Variants in NKAIN1 observed in about 807,000 individuals in gnomAD.
The protein encoded by NKAIN1 is sodium/potassium-transporting ATPase subunit beta-1-interacting protein 1.
NKAIN1 carries 13 observed loss-of-function variants against 31.6 expected under a neutral mutation model. That is an observed-to-expected ratio of 0.41 (90% CI 0.27 to 0.65). The LOEUF (loss-of-function observed/expected upper bound fraction) is 0.65. Ranked by LOEUF, NKAIN1 falls within the 30% of genes least tolerant of loss-of-function variation. The pLI is 0.30. For synonymous variants in NKAIN1, 104 were observed against 109.0 expected (o/e 0.95, Z 0.28); for missense variants, 193 against 262.2 (o/e 0.74, Z 1.82).
In NKAIN1 at chr1:31,239,620, G is replaced by T; in HGVS notation, c.-73C>A. The T allele has an allele frequency of 1.1e-6, 1 of 908,742 alleles. No individual in the cohort carries two copies. The highest frequency in any genetic ancestry group is 1.4e-6 in the Non-Finnish European group (1 of 740,324). The allele number at this position is 908,742 out of a possible 1,614,324, so 56.3% of individuals were successfully genotyped here. A position where few individuals can be genotyped will look rare whatever the true frequency, so the allele number is the denominator to read the frequency against. On this transcript the variant is annotated 5_prime_UTR_variant, in exon 1 of 7. Transcript: ENST00000373736. This position sits in a 1 kb window ranked among gnomAD's most constrained non-coding sequence, Gnocchi z 4.8. Reference sequence around the variant, plus strand: ...CGCGGCCGCCGCCTGCTCGCGCCGCGCGGGCTCCACGTCCTCCCCGCTGGG... The same window carrying T: ...CGCGGCCGCCGCCTGCTCGCGCCGCTCGGGCTCCACGTCCTCCCCGCTGGG...
intron 1 of NKAIN1, among the ~76,000 whole-genome samples, chr1:31,209,468 C>T (rs1459168404): frequency 2.0e-5 from 3 of 152,104 alleles, no homozygotes. Context: ...CAGCAGATTC[C>T]ACCTCCAGGG....
At chr1:31,186,850 C>A (rs1249068108) in intron 2 of NKAIN1, among the ~76,000 whole-genome samples, 1 of 152,254 alleles carries the variant, frequency 6.6e-6, no homozygotes, top group Non-Finnish European at 1.5e-5. Flanking sequence ...TAGGTCAGCA[C>A]TGAGGCCCCT....
chr1:31,195,765 A>G (rs997639120), intron 1 of NKAIN1, among the ~76,000 whole-genome samples: 1 of 151,446 alleles, frequency 6.6e-6, no homozygotes, highest in African/African-American at 2.4e-5. Flanking sequence ...CTCTACAAAA[A>G]ATACAAAAAC....
intron 6 of NKAIN1, 53 bp downstream of exon 6, chr1:31,181,807 T>TA: frequency 6.4e-7 from 1 of 1,569,542 alleles, no homozygotes; most frequent in Non-Finnish European, 8.6e-7. Flanking sequence ...TCCCCTCCTT[T>TA]TCGCAACCCC....
rs1031243188 is a variant in NKAIN1, at chr1:31,239,884, C to G, written c.-337G>C. ...CCGAGCGCGGCGCAGCGCAGAGCAG[C>G]ACTGCCCAGCTGGGGCAGTCGCCCG... is the stretch of plus-strand genomic sequence containing the variant. On this transcript the variant is annotated 5_prime_UTR_variant, in exon 1 of 7. Transcript: ENST00000373736. The surrounding 1 kb of genome is among the most constrained non-coding windows in gnomAD (Gnocchi z 4.8). 1.3e-5 allele frequency among the ~76,000 whole-genome samples: 2 copies of G among 152,098 alleles called. No individual in the cohort carries two copies. The highest frequency in any genetic ancestry group is 2.9e-5 in the Non-Finnish European group (2 of 67,990).
At chr1:31,217,158 G>A (rs1645519779) in intron 1 of NKAIN1, among the ~76,000 whole-genome samples, 1 of 152,006 alleles carries the variant, frequency 6.6e-6, no homozygotes, top group South Asian at 2.1e-4. Context: ...GAGCCACCGT[G>A]CCGCGGCATT....
intron 1 of NKAIN1, among the ~76,000 whole-genome samples, chr1:31,215,639 TC>T (rs1273384288): frequency 6.6e-6 from 1 of 152,032 alleles, no homozygotes; most frequent in Non-Finnish European, 1.5e-5. Context: ...ACCCCTCCCC[TC>T]AGTCCCTTTC....
At chr1:31,216,907 C>T (rs1231356297) in intron 1 of NKAIN1, among the ~76,000 whole-genome samples, 1 of 151,434 alleles carries the variant, frequency 6.6e-6, no homozygotes, top group Admixed American at 6.6e-5. Context: ...TCTGTGTTGC[C>T]GAGGCTGGAG....
chr1:31,183,750 T>A (rs1415254119), intron 4 of NKAIN1, 67 bp downstream of exon 4: 62 of 1,514,672 alleles, frequency 4.1e-5, no homozygotes, highest in Non-Finnish European at 5.6e-5. Context: ...GCCCAACCCA[T>A]CCCCTCAACC....
In NKAIN1 at chr1:31,183,436, C is replaced by CTTTTTTTTTTTTTTT. The variant is rs3046278; in HGVS notation, c.471+366_471+380dup. Among the ~76,000 whole-genome samples the CTTTTTTTTTTTTTTT allele has an allele frequency of 3.1e-4, 33 of 106,692 alleles. 1 individual carries two copies. The highest frequency in any genetic ancestry group is 1.7e-3 in the African/African-American group (31 of 17,900). The allele number at this position is 106,692 out of a possible 152,430, so 70.0% of individuals were successfully genotyped here. On this transcript the variant is annotated intron_variant, in intron 4 of 6. Transcript: ENST00000373736. ...GGCGGAAGACCTAGGTTCATTCCCTCTTTTTTTTTTTTTTTTTTTTTTTTT... is the reference window on the plus strand; with the variant it reads ...GGCGGAAGACCTAGGTTCATTCCCTCTTTTTTTTTTTTTTTTTTTTTTTTTTTTTTTTTTTTTTTT...
intron 1 of NKAIN1, among the ~76,000 whole-genome samples, chr1:31,223,871 T>C (rs965321141): frequency 6.6e-6 from 1 of 152,246 alleles, no homozygotes; most frequent in Admixed American, 6.5e-5. Flanking sequence ...TACAATCTGC[T>C]GAACGAATGT....
At chr1:31,187,752 G>A (rs984473734) in intron 2 of NKAIN1, among the ~76,000 whole-genome samples, 4 of 152,056 alleles carry the variant, frequency 2.6e-5, no homozygotes, top group African/African-American at 7.2e-5. Flanking sequence ...TTGTAGACAT[G>A]AGATGAAGCA....
At chr1:31,199,887 G>A (rs1031643819) in intron 1 of NKAIN1, among the ~76,000 whole-genome samples, 1 of 152,114 alleles carries the variant, frequency 6.6e-6, no homozygotes, top group African/African-American at 2.4e-5. Flanking sequence ...TGGAGACAGA[G>A]ACCACTGTCC....
chr1:31,238,978 G>A (rs1035182104), intron 1 of NKAIN1, among the ~76,000 whole-genome samples: 1 of 152,176 alleles, frequency 6.6e-6, no homozygotes, highest in African/African-American at 2.4e-5. Flanking sequence ...AATGGTCAGC[G>A]ATTTAGAGAC....
chr1:31,237,987 A>G (rs1057426150), intron 1 of NKAIN1, among the ~76,000 whole-genome samples: 1 of 152,208 alleles, frequency 6.6e-6, no homozygotes, highest in African/African-American at 2.4e-5. Flanking sequence ...AGATAAAGAA[A>G]AACAGACAAT....
intron 1 of NKAIN1, among the ~76,000 whole-genome samples, chr1:31,204,421 T>C (rs1557655376): frequency 6.6e-6 from 1 of 152,104 alleles, no homozygotes; most frequent in Non-Finnish European, 1.5e-5. Context: ...TCCCATCTTC[T>C]TGTCAATTCC....
intron 1 of NKAIN1, among the ~76,000 whole-genome samples, chr1:31,213,374 G>C (rs1424736520): frequency 1.3e-5 from 2 of 152,190 alleles, no homozygotes; most frequent in African/African-American, 4.8e-5. Context: ...CAAATCAAAA[G>C]TGTGACATAC....
chr1:31,190,602 C>T (rs1428364778), intron 1 of NKAIN1, among the ~76,000 whole-genome samples: 2 of 152,142 alleles, frequency 1.3e-5, no homozygotes, highest in African/African-American at 4.8e-5. Flanking sequence ...CTGCCTCTGA[C>T]TCCTGGGTGA....
At chr1:31,190,082 A>G (rs1645273888) in intron 1 of NKAIN1, among the ~76,000 whole-genome samples, 1 of 152,228 alleles carries the variant, frequency 6.6e-6, no homozygotes, top group Admixed American at 6.5e-5. Context: ...TCCTAACTAC[A>G]ACAGAAGAGG....
Sources: allele counts gnomAD v4.1 joint callset (sites outside exome capture counted in the v4.1 genomes callset), GRCh38; gene constraint gnomAD v4.1.1; non-coding constraint Gnocchi (gnomAD v3.1); transcripts MANE v1.5; gene names NCBI Gene and HGNC (gene_info 2026-07-23, HGNC 2026-07-21).